Variants in DHRSX observed in about 807,000 individuals in gnomAD.
DHRSX encodes the protein dehydrogenase/reductase X-linked.
In DHRSX, 31 loss-of-function variants were observed where a neutral mutation model predicts 34.0. The ratio of observed to expected loss-of-function variants is 0.91; its 90% confidence interval spans 0.69 to 1.23. DHRSX has a LOEUF of 1.23. Among genes scored for constraint, DHRSX ranks in the 50% most tolerant of loss-of-function variants. The pLI, the probability that DHRSX is intolerant of heterozygous loss-of-function variation, is 0.00. For missense variants in DHRSX, 414 were observed against 428.1 expected (o/e 0.97, Z 0.29); for synonymous variants, 201 against 183.8 (o/e 1.09, Z -0.76).
At chrX:2,479,556 G>T (rs2044738039) in intron 1 of DHRSX, among the ~76,000 whole-genome samples, 1 of 149,126 alleles carries the variant, frequency 6.7e-6, no homozygotes, top group South Asian at 2.1e-4. Flanking sequence ...GCACACTGAA[G>T]ACATTCCCTA....
At chrX:2,238,748 TA>T (rs1454434937) in intron 6 of DHRSX, among the ~76,000 whole-genome samples, 3 of 144,354 alleles carry the variant, frequency 2.1e-5, no homozygotes, top group Admixed American at 7.1e-5. Context: ...CACACTCGGC[TA>T]ATTTTTTTTT....
rs768087430 is a variant in DHRSX at position 2,462,829 on chromosome X, T to G, written c.110-37525A>C. On this transcript the variant is annotated intron_variant, in intron 1 of 6. Coordinates refer to ENST00000334651, the MANE Select transcript of DHRSX (RefSeq NM_145177.3). ...AATTAAAAAAAAAAAGCTTAACTATTACTGCATTTTTTTAAAGAATGGTAT... is the reference window on the plus strand; with the variant it reads ...AATTAAAAAAAAAAAGCTTAACTATGACTGCATTTTTTTAAAGAATGGTAT... 4.6e-5 allele frequency among the ~76,000 whole-genome samples: 7 copies of G among 152,234 alleles called. No homozygotes were observed. The East Asian group carries it at 1.4e-3, about 29-fold the overall frequency.
intron 3 of DHRSX, among the ~76,000 whole-genome samples, chrX:2,332,564 T>C (rs1412033462): frequency 6.6e-6 from 1 of 152,178 alleles, no homozygotes; most frequent in Non-Finnish European, 1.5e-5. Context: ...ATAGGACTTA[T>C]GTTTCCCACC....
At chrX:2,236,026 C>T (rs1168782017) in intron 6 of DHRSX, among the ~76,000 whole-genome samples, 5 of 151,066 alleles carry the variant, frequency 3.3e-5, no homozygotes, top group Admixed American at 2.0e-4. Context: ...GCAGGAGAAT[C>T]GCTTGAACCT....
chrX:2,347,285 T>C (rs73630283), intron 3 of DHRSX, among the ~76,000 whole-genome samples: 1,764 of 152,242 alleles, frequency 0.012, 25 homozygotes, highest in African/African-American at 0.035. Flanking sequence ...CCCTTTATAA[T>C]AACCATCAGA....
chrX:2,245,725 A>G (rs929477314), intron 5 of DHRSX, among the ~76,000 whole-genome samples: 4 of 146,450 alleles, frequency 2.7e-5, no homozygotes, highest in African/African-American at 1.0e-4. Context: ...TGGGAGGCCA[A>G]GGCGGGCGGA....
chrX:2,295,215 A>G (rs1453641876), intron 3 of DHRSX, among the ~76,000 whole-genome samples: 1 of 151,186 alleles, frequency 6.6e-6, no homozygotes, highest in Non-Finnish European at 1.5e-5. Flanking sequence ...AAAATGTGGC[A>G]CATAGACACC....
chrX:2,331,865 G>A (rs1162321920), intron 3 of DHRSX, among the ~76,000 whole-genome samples: 1 of 152,110 alleles, frequency 6.6e-6, no homozygotes, highest in African/African-American at 2.4e-5. Flanking sequence ...AAACATCACT[G>A]TTGTCTATTT....
At chrX:2,345,894 C>T (rs1241600247) in intron 3 of DHRSX, among the ~76,000 whole-genome samples, 1 of 152,124 alleles carries the variant, frequency 6.6e-6, no homozygotes, top group African/African-American at 2.4e-5. Flanking sequence ...TGCCAGCCTC[C>T]ATCACCATAT....
chrX:2,233,730 A>C (rs1332401848), intron 6 of DHRSX, among the ~76,000 whole-genome samples: 1 of 152,058 alleles, frequency 6.6e-6, no homozygotes, highest in Non-Finnish European at 1.5e-5. Context: ...CTTCCAATAG[A>C]CATGGGCAGT....
At chrX:2,411,432 C>G (rs1347367974) in intron 2 of DHRSX, among the ~76,000 whole-genome samples, 3 of 151,664 alleles carry the variant, frequency 2.0e-5, no homozygotes, top group Admixed American at 6.6e-5. Flanking sequence ...GCCTGTAATC[C>G]CAGCTACTAG....
chrX:2,248,895 T>C (rs974478585), intron 5 of DHRSX, among the ~76,000 whole-genome samples: 6 of 152,196 alleles, frequency 3.9e-5, no homozygotes, highest in African/African-American at 1.4e-4. Context: ...AGCATAAAAA[T>C]AGACGGTTTC....
At chrX:2,485,963 G>A (rs1461798323) in intron 1 of DHRSX, among the ~76,000 whole-genome samples, 1 of 151,696 alleles carries the variant, frequency 6.6e-6, no homozygotes, top group Non-Finnish European at 1.5e-5. Flanking sequence ...AAGAAGAGAG[G>A]GAGGGTTGGA....
At chrX:2,400,969 T>C (rs1264755564) in intron 3 of DHRSX, among the ~76,000 whole-genome samples, 1 of 152,176 alleles carries the variant, frequency 6.6e-6, no homozygotes, top group Admixed American at 6.5e-5. Flanking sequence ...ACCCATCAAT[T>C]ACAGAAGGCA....
chrX:2,490,120 CAT>C (rs753139612), intron 1 of DHRSX: 20 of 1,613,848 alleles, frequency 1.2e-5, no homozygotes, highest in Admixed American at 1.0e-4. Flanking sequence ...CACTCCTCCA[CAT>C]GTCGGTGGAG....
chrX:2,377,089 C>T (rs373943825), intron 3 of DHRSX, among the ~76,000 whole-genome samples: 4 of 151,964 alleles, frequency 2.6e-5, no homozygotes, highest in African/African-American at 7.2e-5. Context: ...CTACACCAGC[C>T]GTCCCCAGCC....
intron 4 of DHRSX, among the ~76,000 whole-genome samples, chrX:2,290,613 C>CTCA (rs1340048938): frequency 6.6e-6 from 1 of 152,170 alleles, no homozygotes. Flanking sequence ...TCTTTATGGG[C>CTCA]TCACTGTTTG....
At chrX:2,230,885 T>A (rs1182762778) in intron 6 of DHRSX, among the ~76,000 whole-genome samples, 1 of 152,164 alleles carries the variant, frequency 6.6e-6, no homozygotes, top group African/African-American at 2.4e-5. Flanking sequence ...TCTCTATGCA[T>A]AGATCCTATT....
At position 2,263,266 on chromosome X, in the gene DHRSX, G is replaced by A. The variant is rs758209757; in HGVS notation, c.596+3474C>T. Among the ~76,000 whole-genome samples the A allele has an allele frequency of 3.3e-5, 5 of 152,290 alleles. No homozygotes were observed. In the South Asian group the frequency reaches 1.0e-3, roughly 32 times the overall value. On this transcript the variant is annotated intron_variant, in intron 5 of 6. Transcript: ENST00000334651. ...GATGGTGTTAGGAGGTGAGGCCCTT[G>A]GGAGGTGATGAGGTCACGATGGGGG...
Sources: gnomAD v4.1 joint callset for allele counts (sites outside exome capture counted in the v4.1 genomes callset) on GRCh38, gnomAD v4.1.1 for gene constraint, MANE v1.5 for transcripts, NCBI Gene and HGNC (gene_info 2026-07-23, HGNC 2026-07-21) for gene names.